SPAG17: variants seen among roughly 807,000 people sequenced by gnomAD.
SPAG17 encodes the protein sperm-associated antigen 17.
Under a neutral mutation model 273.6 loss-of-function variants are expected in SPAG17, and 169 were observed. That is an observed-to-expected ratio of 0.62 (90% confidence interval 0.55 to 0.70). The LOEUF is 0.70. Ranked by LOEUF, SPAG17 falls within the 30% of genes least tolerant of loss-of-function variation. The probability of loss-of-function intolerance (pLI) is 0.00; values close to 1 mark genes in which losing one functional copy is unlikely to be tolerated. For missense variants in SPAG17, 2,557 were observed against 2,627.8 expected (o/e 0.97, Z 0.59); for synonymous variants, 825 against 873.2 (o/e 0.94, Z 0.97).
intron 1 of SPAG17, among the ~76,000 whole-genome samples, chr1:118,171,687 A>T (rs1201205383): frequency 1.3e-5 from 2 of 152,164 alleles, no homozygotes; most frequent in African/African-American, 4.8e-5. Context: ...TAATAGAAAA[A>T]TTTTCAATAG....
At chr1:118,133,014 G>A (rs963417796) in intron 3 of SPAG17, among the ~76,000 whole-genome samples, 25 of 152,020 alleles carry the variant, frequency 1.6e-4, no homozygotes, top group African/African-American at 5.8e-4. Context: ...GTCGTGATCT[G>A]CCCACCTCAG....
intron 48 of SPAG17, chr1:117,955,495 ATAATT>A (rs1652066604): frequency 1.3e-6 from 1 of 753,402 alleles, no homozygotes; most frequent in South Asian, 2.5e-5. Flanking sequence ...TTGATGGAAA[ATAATT>A]TATAATGTTC....
chr1:118,109,163 G>A (rs960891439), intron 4 of SPAG17, among the ~76,000 whole-genome samples: 4 of 148,684 alleles, frequency 2.7e-5, no homozygotes, highest in Admixed American at 2.0e-4. Context: ...TTTTTTTTGA[G>A]ACGGAGTCTT....
At chr1:118,068,920 T>G (rs1052798583) in intron 17 of SPAG17, among the ~76,000 whole-genome samples, 1 of 152,170 alleles carries the variant, frequency 6.6e-6, no homozygotes. Flanking sequence ...TAGATTATTT[T>G]GGAGTTGAAG....
intron 20 of SPAG17, among the ~76,000 whole-genome samples, chr1:118,045,113 G>A (rs189993753): frequency 2.0e-5 from 3 of 152,290 alleles, no homozygotes; most frequent in Non-Finnish European, 4.4e-5. Context: ...TGATATTGGG[G>A]TATAATAAGA....
rs187180099 is a variant in SPAG17 at position 118,067,207 on chromosome 1, G to A, written c.2386-308C>T. On this transcript the variant is annotated intron_variant, in intron 17 of 48. Coordinates refer to ENST00000336338, the MANE Select transcript of SPAG17 (RefSeq NM_206996.4). ...ATTAAGCACAGCAGTCATTTATCTA[G>A]CATTTTCCATGCCTTGATATAGACC... is the stretch of plus-strand genomic sequence containing the variant. 3.1e-3 allele frequency among the ~76,000 whole-genome samples: 479 copies of A among 152,250 alleles called. 3 individuals are homozygous for A. The highest frequency in any genetic ancestry group is 0.01 in the Middle Eastern group (3 of 294).
At chr1:118,082,486 A>G (rs1290576597) in intron 13 of SPAG17, among the ~76,000 whole-genome samples, 1 of 152,230 alleles carries the variant, frequency 6.6e-6, no homozygotes, top group African/African-American at 2.4e-5. Context: ...GACAAGGAAG[A>G]GGTAAAAGAG....
intron 1 of SPAG17, among the ~76,000 whole-genome samples, chr1:118,157,479 G>C (rs1485125414): frequency 3.3e-5 from 5 of 152,174 alleles, no homozygotes. Flanking sequence ...GACAGGAGCA[G>C]GGGCAAACCA....
At chr1:118,142,948 T>C (rs1282686498) in intron 3 of SPAG17, among the ~76,000 whole-genome samples, 3 of 152,254 alleles carry the variant, frequency 2.0e-5, no homozygotes, top group South Asian at 4.1e-4. Flanking sequence ...GCTGAATATG[T>C]ATTAACTTCC....
At chr1:118,111,553 A>AACACAC (rs61266210) in intron 4 of SPAG17, among the ~76,000 whole-genome samples, 17,085 of 135,660 alleles carry the variant, frequency 0.13, 1,180 homozygotes, top group Non-Finnish European at 0.14. Context: ...CTTTTAAAAC[A>AACACAC]ACACACACAC....
chr1:118,071,105 A>G (rs1349643382), intron 17 of SPAG17, among the ~76,000 whole-genome samples: 1 of 152,028 alleles, frequency 6.6e-6, no homozygotes, highest in East Asian at 1.9e-4. Flanking sequence ...GAAATCTCCC[A>G]GTCAAATCAC....
In SPAG17 at chr1:117,966,734, G is replaced by A. The variant is rs759883402; in HGVS notation, c.6407C>T (p.Thr2136Ile). Residue 2136 changes from threonine to isoleucine, a missense_variant, in exon 47 of 49, where the codon ACA (threonine) becomes ATA (isoleucine). Thr to Ile is a moderately conservative substitution (Grantham distance 89, BLOSUM62 -1). Coordinates refer to ENST00000336338, the MANE Select transcript of SPAG17 (RefSeq NM_206996.4). Reference sequence around the variant, plus strand: ...GGCAAATAACTCTATATTCAGTTCTGTCTGCATACCAGCTGCCACCTATAA... The same window carrying A: ...GGCAAATAACTCTATATTCAGTTCTATCTGCATACCAGCTGCCACCTATAA... The part of the protein sequence containing the change: ...KPGPVAAGMQ[T>I]ELNIELFATA... The A allele has an allele frequency of 6.2e-7, 1 of 1,612,052 alleles. No individual in the cohort carries two copies. The highest frequency in any genetic ancestry group is 8.5e-7 in the Non-Finnish European group (1 of 1,179,366).
At chr1:118,173,160 G>T (rs1191184606) in intron 1 of SPAG17, among the ~76,000 whole-genome samples, 1 of 151,642 alleles carries the variant, frequency 6.6e-6, no homozygotes, top group African/African-American at 2.4e-5. Context: ...GACTAACGTA[G>T]CAGTATAGGA....
At chr1:117,991,313 T>A in intron 37 of SPAG17, 102 bp downstream of exon 37, 1 of 647,874 alleles carries the variant, frequency 1.5e-6, no homozygotes, top group Non-Finnish European at 2.5e-6. Flanking sequence ...AGCAAATGCT[T>A]CATGGAAGTG....
chr1:118,036,601 GACACACAC>G, intron 24 of SPAG17, 161 bp downstream of exon 24: 2 of 497,144 alleles, frequency 4.0e-6, no homozygotes, highest in East Asian at 3.4e-5. Context: ...CACATATATA[GACACACAC>G]ACACACACAC....
rs113281267 is a variant in SPAG17, at chr1:118,169,578, G to A, written c.87+15493C>T. On this transcript the variant is annotated intron_variant, in intron 1 of 48. Coordinates refer to ENST00000336338, the MANE Select transcript of SPAG17 (RefSeq NM_206996.4). ...TGCTGCCTCTCAAAAATTGCTCAAG[G>A]GTTATGTCCAATAAAATGCATTTTC... Among the ~76,000 whole-genome samples the A allele has an allele frequency of 3.6e-3, 553 of 152,108 alleles. 3 individuals are homozygous for A. Among genetic ancestry groups the A allele is most frequent in the African/African-American group, 0.013 (527 of 41,480 alleles).
chr1:118,019,978 A>G (rs1185979364), intron 28 of SPAG17, among the ~76,000 whole-genome samples: 7 of 152,234 alleles, frequency 4.6e-5, no homozygotes, highest in Non-Finnish European at 1.0e-4. Flanking sequence ...TAAAATATTC[A>G]CCTATTTGCT....
At chr1:118,151,653 G>A (rs1227365643) in intron 1 of SPAG17, among the ~76,000 whole-genome samples, 1 of 152,186 alleles carries the variant, frequency 6.6e-6, no homozygotes, top group South Asian at 2.1e-4. Flanking sequence ...TGTTGTCCAA[G>A]AATAATCTGG....
chr1:118,114,967 C>A (rs376993419), intron 4 of SPAG17, among the ~76,000 whole-genome samples: 2 of 152,136 alleles, frequency 1.3e-5, no homozygotes, highest in Admixed American at 6.5e-5. Context: ...AGGGTTCCCC[C>A]CAACTGTCCT....
Sources: allele counts gnomAD v4.1 joint callset (sites outside exome capture counted in the v4.1 genomes callset), GRCh38; gene constraint gnomAD v4.1.1; transcripts MANE v1.5; gene names NCBI Gene and HGNC (gene_info 2026-07-23, HGNC 2026-07-21).